SDK1: variants seen among roughly 807,000 people sequenced by gnomAD.
SDK1 encodes the protein sidekick cell adhesion molecule 1, also known as protein sidekick-1.
SDK1 carries 157 observed loss-of-function variants against 245.5 expected under a neutral mutation model. That is an observed-to-expected ratio of 0.64 (90% confidence interval 0.56 to 0.73). The LOEUF is 0.73. Ranked by LOEUF, SDK1 falls within the 30% of genes least tolerant of loss-of-function variation. The pLI is 0.00. For missense variants in SDK1, 3,583 were observed against 3,002.3 expected, an observed-to-expected ratio of 1.19 and a Z score of -4.52; for synonymous variants, 1,647 against 1,278.5, an observed-to-expected ratio of 1.29 and a Z score of -6.15.
Position 4,012,164 on chromosome 7 carries a change from G to C in SDK1, c.2349G>C (p.Gln783His). The part of the protein sequence containing the change: ...KNIVASGRTN[Q>H]SIMVQWQPPP... ...TAGTGGCCAGTGGGCGGACTAATCA[G>C]TCCATTATGGTCCAGTGGCAGCCAC... Residue 783 changes from glutamine to histidine, a missense_variant, in exon 16 of 45, where the codon CAG becomes CAC. Gln to His is a conservative substitution (Grantham distance 24). Transcript: ENST00000404826. 1 of 1,579,392 alleles carries C rather than the reference G, an allele frequency of 6.3e-7. No homozygotes were observed. The highest frequency in any genetic ancestry group is 8.6e-7 in the Non-Finnish European group (1 of 1,162,932).
At chr7:4,178,104 C>T (rs1013528181) in intron 34 of SDK1, among the ~76,000 whole-genome samples, 3 of 152,220 alleles carry the variant, frequency 2.0e-5, no homozygotes, top group African/African-American at 7.2e-5. Flanking sequence ...ACTGTCAATA[C>T]CAGTGAAGCT....
intron 5 of SDK1, among the ~76,000 whole-genome samples, chr7:3,871,858 G>A (rs1780964675): frequency 6.6e-6 from 1 of 152,106 alleles, no homozygotes; most frequent in African/African-American, 2.4e-5. Flanking sequence ...AGAGTGGTTA[G>A]AAAAAACCAC....
chr7:3,719,242 AG>A (rs1294759874), intron 4 of SDK1, among the ~76,000 whole-genome samples: 8 of 148,328 alleles, frequency 5.4e-5, no homozygotes, highest in Non-Finnish European at 1.0e-4. Flanking sequence ...AAACCCAGAA[AG>A]GTTTTTTTTT....
intron 1 of SDK1, among the ~76,000 whole-genome samples, chr7:3,422,004 G>A (rs992851782): frequency 6.6e-6 from 1 of 152,076 alleles, no homozygotes; most frequent in East Asian, 1.9e-4. Flanking sequence ...GTTGATGAGA[G>A]GGGGAATTAA....
chr7:4,154,528 C>T (rs1780597948), intron 30 of SDK1, among the ~76,000 whole-genome samples: 1 of 151,982 alleles, frequency 6.6e-6, no homozygotes, highest in South Asian at 2.1e-4. Context: ...TTCCTGGGGA[C>T]AAGTGAGGGC....
intron 4 of SDK1, among the ~76,000 whole-genome samples, chr7:3,731,391 G>A (rs1241773772): frequency 6.6e-6 from 1 of 152,294 alleles, no homozygotes; most frequent in African/African-American, 2.4e-5. Context: ...GCGTGGGAGG[G>A]CACTGTCACA....
intron 1 of SDK1, among the ~76,000 whole-genome samples, chr7:3,420,509 T>G (rs898521177): frequency 3.3e-5 from 5 of 152,218 alleles, no homozygotes; most frequent in Non-Finnish European, 5.9e-5. Flanking sequence ...GCCCATTTTT[T>G]AATTGTTTGC....
At chr7:3,655,457 A>ATG (rs1783139351) in intron 4 of SDK1, among the ~76,000 whole-genome samples, 1 of 11,208 alleles carries the variant, frequency 8.9e-5, no homozygotes, top group African/African-American at 2.0e-4. Flanking sequence ...AAATATATAT[A>ATG]TATATATATA....
chr7:3,494,254 A>C (rs1004960846), intron 1 of SDK1, among the ~76,000 whole-genome samples: 3 of 152,206 alleles, frequency 2.0e-5, no homozygotes, highest in Non-Finnish European at 4.4e-5. Context: ...TAGTTTTAAT[A>C]ACTTTTGTTA....
At chr7:4,161,131 G>A (rs1264771238) in intron 31 of SDK1, among the ~76,000 whole-genome samples, 2 of 152,182 alleles carry the variant, frequency 1.3e-5, no homozygotes, top group African/African-American at 4.8e-5. Flanking sequence ...GAGGAGGCAG[G>A]GAAGAGGGGC....
chr7:3,310,799 A>G (rs2128543377), intron 1 of SDK1, among the ~76,000 whole-genome samples: 1 of 152,290 alleles, frequency 6.6e-6, no homozygotes, highest in East Asian at 1.9e-4. Context: ...ATAAAATAAA[A>G]CAAAGTTAAC....
intron 1 of SDK1, among the ~76,000 whole-genome samples, chr7:3,350,156 A>G (rs1235052041): frequency 6.6e-6 from 1 of 152,206 alleles, no homozygotes; most frequent in Non-Finnish European, 1.5e-5. Flanking sequence ...CTATCAGTAT[A>G]TAATGGATCA....
intron 39 of SDK1, 62 bp downstream of exon 39, chr7:4,220,332 C>T: frequency 6.5e-7 from 1 of 1,537,796 alleles, no homozygotes; most frequent in Non-Finnish European, 8.9e-7. Context: ...CCTCCTGCTT[C>T]ACTGAGCTGA....
intron 1 of SDK1, among the ~76,000 whole-genome samples, chr7:3,350,415 A>C (rs528897225): frequency 2.0e-5 from 3 of 152,322 alleles, no homozygotes; most frequent in African/African-American, 7.2e-5. Flanking sequence ...TTTACTCAGC[A>C]CATAACTGAT....
chr7:3,680,630 A>G (rs548355343), intron 4 of SDK1, among the ~76,000 whole-genome samples: 3 of 152,314 alleles, frequency 2.0e-5, no homozygotes, highest in South Asian at 4.1e-4. Flanking sequence ...CTTATGAATT[A>G]TTATTTAAAA....
rs183743638 is a variant in SDK1, at chr7:3,850,467, G to A, written c.847+28884G>A. ...AATGCGGCGATCCCTCAAGGATCTA[G>A]AACTAGAAATACCATTTGACCTAGC... On this transcript the variant is annotated intron_variant, in intron 5 of 44. Transcript: ENST00000404826. Among the ~76,000 whole-genome samples, 450 of 152,242 alleles carry A rather than the reference G, an allele frequency of 3.0e-3. 2 individuals are homozygous for A. The highest frequency in any genetic ancestry group is 7.8e-3 in the African/African-American group (325 of 41,534).
At chr7:3,946,480 A>AT (rs558961778) in intron 5 of SDK1, among the ~76,000 whole-genome samples, 54 of 147,788 alleles carry the variant, frequency 3.7e-4, no homozygotes, top group East Asian at 7.9e-4. Flanking sequence ...ACACCTGCTA[A>AT]TTTTTTTTTT....
chr7:4,001,747 G>A (rs969165733), intron 14 of SDK1, among the ~76,000 whole-genome samples: 11 of 152,184 alleles, frequency 7.2e-5, no homozygotes, highest in African/African-American at 2.4e-4. Context: ...TTTGTTTTAG[G>A]TAGAAAGTAT....
chr7:3,377,825 C>T (rs1167503999), intron 1 of SDK1, among the ~76,000 whole-genome samples: 1 of 152,178 alleles, frequency 6.6e-6, no homozygotes, highest in Non-Finnish European at 1.5e-5. Context: ...GTTGCCCAGG[C>T]TGGAGTGCAG....
Sources: gnomAD v4.1 joint callset for allele counts (sites outside exome capture counted in the v4.1 genomes callset) on GRCh38, gnomAD v4.1.1 for gene constraint, MANE v1.5 for transcripts, NCBI Gene and HGNC (gene_info 2026-07-23, HGNC 2026-07-21) for gene names.